SKAP1: variants seen among roughly 807,000 people sequenced by gnomAD.
SKAP1 encodes the protein src kinase-associated phosphoprotein 1.
A neutral mutation model predicts 58.5 loss-of-function variants in SKAP1; 44 were observed. That is an observed-to-expected ratio of 0.75 (90% CI 0.59 to 0.97). SKAP1 has a LOEUF of 0.97. SKAP1 is among the 50% of genes least tolerant of loss of function. The pLI, the probability that SKAP1 is intolerant of heterozygous loss-of-function variation, is 0.00. For missense variants in SKAP1, 390 were observed against 435.2 expected (o/e 0.90, Z 0.92); for synonymous variants, 127 against 149.7 (o/e 0.85, Z 1.11).
intron 11 of SKAP1, among the ~76,000 whole-genome samples, chr17:48,154,919 G>T (rs1250051980): frequency 6.6e-6 from 1 of 151,550 alleles, no homozygotes; most frequent in Admixed American, 6.6e-5. Flanking sequence ...AATTAGCCAG[G>T]TGTGGTGGCT....
At chr17:48,309,418 C>T (rs1173483370) in intron 4 of SKAP1, among the ~76,000 whole-genome samples, 1 of 152,044 alleles carries the variant, frequency 6.6e-6, no homozygotes, top group African/African-American at 2.4e-5. Context: ...ATGGCCTTGA[C>T]AATTCTCAAG....
At chr17:48,136,625 A>C (rs1204589128) in intron 12 of SKAP1, 3 of 152,050 alleles carry the variant, frequency 2.0e-5, no homozygotes, top group Non-Finnish European at 4.4e-5. Context: ...GATACCTTGG[A>C]CCACTTACCT....
intron 11 of SKAP1, among the ~76,000 whole-genome samples, chr17:48,157,674 A>T (rs1303788458): frequency 6.8e-6 from 1 of 147,698 alleles, no homozygotes; most frequent in Admixed American, 6.7e-5. Flanking sequence ...GACTACAGGC[A>T]TGCACCAGCA....
intron 11 of SKAP1, among the ~76,000 whole-genome samples, chr17:48,144,334 C>T (rs911885236): frequency 6.6e-6 from 1 of 152,136 alleles, no homozygotes; most frequent in Non-Finnish European, 1.5e-5. Context: ...CACCCCCATG[C>T]GTTGCTCCAG....
intron 4 of SKAP1, among the ~76,000 whole-genome samples, chr17:48,277,700 G>T (rs2065717509): frequency 6.6e-6 from 1 of 152,158 alleles, no homozygotes; most frequent in Non-Finnish European, 1.5e-5. Flanking sequence ...TAAAGACAGG[G>T]TCTTGCTCTG....
intron 4 of SKAP1, among the ~76,000 whole-genome samples, chr17:48,297,462 G>C (rs1404402487): frequency 6.6e-6 from 1 of 152,084 alleles, no homozygotes; most frequent in Non-Finnish European, 1.5e-5. Context: ...TCTTAGTTAG[G>C]AATGGGGCAA....
At chr17:48,418,042 C>T (rs1040119840) in intron 1 of SKAP1, among the ~76,000 whole-genome samples, 9 of 152,110 alleles carry the variant, frequency 5.9e-5, no homozygotes, top group African/African-American at 1.9e-4. Flanking sequence ...CACCCGTAAT[C>T]CCAGCATTTG....
At chr17:48,178,779 G>A (rs914922043) in intron 9 of SKAP1, among the ~76,000 whole-genome samples, 2 of 151,918 alleles carry the variant, frequency 1.3e-5, no homozygotes, top group African/African-American at 4.8e-5. Flanking sequence ...TTTTTTTAAC[G>A]TCAGACACAA....
rs964121979 is a variant in SKAP1 at position 48,250,287 on chromosome 17, T to G, written c.281-60787A>C. On this transcript the variant is annotated intron_variant, in intron 4 of 12. Coordinates refer to ENST00000336915, the MANE Select transcript of SKAP1 (RefSeq NM_003726.4). ...GCCATAGACAGTTTTTTTTTTTTTTTTTTTTTTTTTTTGAGATGGAGTTTC... is the reference window on the plus strand; with the variant it reads ...GCCATAGACAGTTTTTTTTTTTTTTGTTTTTTTTTTTTGAGATGGAGTTTC... Among the ~76,000 whole-genome samples, 26 of 125,042 alleles carry G rather than the reference T, an allele frequency of 2.1e-4. No individual in the cohort carries two copies. In the East Asian group the frequency reaches 3.8e-3, roughly 18 times the overall value. 82.0% of individuals were successfully genotyped at this position (125,042 alleles called of 152,430 possible). A position where few individuals can be genotyped will look rare whatever the true frequency, so the allele number is the denominator to read the frequency against.
chr17:48,325,477 T>C (rs2066425068), intron 4 of SKAP1, among the ~76,000 whole-genome samples: 1 of 152,028 alleles, frequency 6.6e-6, no homozygotes, highest in South Asian at 2.1e-4. Context: ...GAGGTAAGGG[T>C]CATGTTTTAT....
chr17:48,136,318 C>T (rs759387196), intron 12 of SKAP1, among the ~76,000 whole-genome samples: 8 of 152,130 alleles, frequency 5.3e-5, no homozygotes, highest in Middle Eastern at 6.8e-3. Context: ...ATTATAGGTG[C>T]ACACCACCAT....
chr17:48,343,977 C>A (rs1047020884), intron 4 of SKAP1, among the ~76,000 whole-genome samples: 4 of 152,058 alleles, frequency 2.6e-5, no homozygotes, highest in Admixed American at 2.6e-4. Context: ...AAGGGTAAAC[C>A]TAATATCCAC....
At chr17:48,369,490 C>CAAA (rs11369011) in intron 2 of SKAP1, among the ~76,000 whole-genome samples, 11 of 137,344 alleles carry the variant, frequency 8.0e-5, no homozygotes, top group Non-Finnish European at 1.4e-4. Context: ...GACCCTCTCT[C>CAAA]AAAAAAAAAA....
intron 4 of SKAP1, among the ~76,000 whole-genome samples, chr17:48,242,270 G>A (rs564473486): frequency 1.3e-5 from 2 of 152,156 alleles, no homozygotes; most frequent in African/African-American, 2.4e-5. Context: ...AATGAACGTC[G>A]TTGATCAGTG....
At chr17:48,245,899 C>T (rs1007758482) in intron 4 of SKAP1, among the ~76,000 whole-genome samples, 7 of 152,122 alleles carry the variant, frequency 4.6e-5, no homozygotes, top group African/African-American at 1.7e-4. Flanking sequence ...CGCTTGAACC[C>T]AGAAGGCAGA....
chr17:48,374,804 T>A (rs2067132044), intron 2 of SKAP1, among the ~76,000 whole-genome samples: 1 of 152,208 alleles, frequency 6.6e-6, no homozygotes. Context: ...ACATGGCCAG[T>A]GACACCCAAC....
At chr17:48,307,454 C>G (rs1272592873) in intron 4 of SKAP1, 1 of 152,230 alleles carries the variant, frequency 6.6e-6, no homozygotes. Flanking sequence ...CAACGTGTGA[C>G]CGGCTCAGGC....
At chr17:48,356,579 G>A (rs2144369227) in intron 3 of SKAP1, among the ~76,000 whole-genome samples, 1 of 152,012 alleles carries the variant, frequency 6.6e-6, no homozygotes, top group South Asian at 2.1e-4. Flanking sequence ...TGTGTGTGTG[G>A]CATATGTATT....
At chr17:48,275,282 C>T (rs1016440783) in intron 4 of SKAP1, among the ~76,000 whole-genome samples, 11 of 152,198 alleles carry the variant, frequency 7.2e-5, no homozygotes, top group Non-Finnish European at 4.4e-5. Flanking sequence ...TCCTTATTCT[C>T]TCTGATCTCC....
Sources: allele counts gnomAD v4.1 joint callset (sites outside exome capture counted in the v4.1 genomes callset), GRCh38; gene constraint gnomAD v4.1.1; transcripts MANE v1.5; gene names NCBI Gene and HGNC (gene_info 2026-07-23, HGNC 2026-07-21).